Variants in AGTPBP1 observed in about 807,000 individuals in gnomAD.
The protein encoded by AGTPBP1 is ATP/GTP binding carboxypeptidase 1.
In AGTPBP1, 70 loss-of-function variants were observed where a neutral mutation model predicts 143.9. The ratio of observed to expected loss-of-function variants is 0.49; its 90% CI spans 0.40 to 0.59. The LOEUF (loss-of-function observed/expected upper bound fraction) is 0.59. Ranked by LOEUF, AGTPBP1 falls within the 20% of genes least tolerant of loss-of-function variation. The probability of loss-of-function intolerance (pLI) is 0.00; values close to 1 mark genes in which losing one functional copy is unlikely to be tolerated. For synonymous variants in AGTPBP1, 463 were observed against 500.2 expected, an observed-to-expected ratio of 0.93 and a Z score of 0.99; for missense variants, 1,229 against 1,464.5, an observed-to-expected ratio of 0.84 and a Z score of 2.62.
chr9:85,562,681 C>A (rs1024731357), intron 25 of AGTPBP1, among the ~76,000 whole-genome samples: 1 of 152,196 alleles, frequency 6.6e-6, no homozygotes, highest in Non-Finnish European at 1.5e-5. Flanking sequence ...ATAATTATCA[C>A]AAATTCACTT....
At chr9:85,801,425 C>T in the AGTPBP1 span, among the ~76,000 whole-genome samples, 1 of 152,128 alleles carries the variant, frequency 6.6e-6, no homozygotes, top group Admixed American at 6.5e-5. Context: ...TCATGTAAAA[C>T]AGGGTATCTA....
chr9:85,722,208 T>A (rs1838173956), intron 1 of AGTPBP1, among the ~76,000 whole-genome samples: 1 of 152,222 alleles, frequency 6.6e-6, no homozygotes, highest in African/African-American at 2.4e-5. Flanking sequence ...TGAATTTGAA[T>A]GTTGGTCTGC....
At chr9:85,697,441 T>TTTTG in intron 2 of AGTPBP1, among the ~76,000 whole-genome samples, 1 of 142,092 alleles carries the variant, frequency 7.0e-6, no homozygotes, top group South Asian at 2.3e-4. Context: ...TTAATTTGTT[T>TTTTG]TTTGTTTTTT....
At chr9:85,706,924 A>G (rs1837049903) in intron 2 of AGTPBP1, among the ~76,000 whole-genome samples, 1 of 152,040 alleles carries the variant, frequency 6.6e-6, no homozygotes, top group African/African-American at 2.4e-5. Context: ...AAAGACAGAG[A>G]AGGGTAGACT....
intron 1 of AGTPBP1, chr9:85,741,389 T>C (rs1824258673): frequency 1.0e-6 from 1 of 984,988 alleles, no homozygotes; most frequent in Non-Finnish European, 1.2e-6. Flanking sequence ...CCCCCGGCCC[T>C]GCAGCCCCTC....
intron 19 of AGTPBP1, among the ~76,000 whole-genome samples, chr9:85,592,104 T>C (rs1031039607): frequency 4.6e-5 from 7 of 152,210 alleles, no homozygotes; most frequent in African/African-American, 7.2e-5. Context: ...AACACTCAAA[T>C]TGCATCCACA....
intron 14 of AGTPBP1, among the ~76,000 whole-genome samples, chr9:85,625,840 G>A (rs973767875): frequency 3.3e-5 from 5 of 149,660 alleles, no homozygotes; most frequent in Non-Finnish European, 7.4e-5. Context: ...AGCCAAGATC[G>A]TGCCACTGCA....
At chr9:85,740,166 T>C (rs1824152902) in intron 1 of AGTPBP1, among the ~76,000 whole-genome samples, 1 of 152,242 alleles carries the variant, frequency 6.6e-6, no homozygotes, top group Admixed American at 6.5e-5. Flanking sequence ...AAATTGCTTC[T>C]ACAAAAGTTT....
the AGTPBP1 span, among the ~76,000 whole-genome samples, chr9:85,771,652 CT>C: frequency 0.065 from 8,792 of 136,104 alleles, 770 homozygotes; most frequent in African/African-American, 0.21. Context: ...ACATAGATAA[CT>C]TTTTTTTTTT....
chr9:85,744,417 C>T (rs549244929), upstream of AGTPBP1, among the ~76,000 whole-genome samples: 14 of 152,314 alleles, frequency 9.2e-5, no homozygotes, highest in African/African-American at 2.9e-4. Flanking sequence ...AATAAATTAT[C>T]TTCACATGGC....
intron 1 of AGTPBP1, among the ~76,000 whole-genome samples, chr9:85,730,839 C>A (rs552283534): frequency 2.0e-5 from 3 of 152,188 alleles, no homozygotes; most frequent in African/African-American, 7.2e-5. Context: ...TACTCCAATC[C>A]CCTGTTACAG....
chr9:85,741,231 G>C, intron 1 of AGTPBP1: 1 of 985,470 alleles, frequency 1.0e-6, no homozygotes, highest in South Asian at 4.7e-5. Context: ...CCCAGCGAGA[G>C]GAAGCAAACG....
At chr9:85,679,486 C>A (rs761547746) in intron 4 of AGTPBP1, among the ~76,000 whole-genome samples, 10 of 152,110 alleles carry the variant, frequency 6.6e-5, no homozygotes, top group Non-Finnish European at 1.5e-4. Context: ...CGGCTCACTG[C>A]AAGCTCCGCC....
chr9:85,764,390 C>T, the AGTPBP1 span, among the ~76,000 whole-genome samples: 4 of 151,896 alleles, frequency 2.6e-5, no homozygotes, highest in African/African-American at 9.7e-5. Context: ...ATTAGCTGCA[C>T]ATGGTGATGA....
At chr9:85,754,118 A>G in the AGTPBP1 span, among the ~76,000 whole-genome samples, 1 of 152,180 alleles carries the variant, frequency 6.6e-6, no homozygotes, top group Non-Finnish European at 1.5e-5. Context: ...AAAGGAGTTG[A>G]TTTGAATGTT....
rs529012765 is a variant in AGTPBP1 at position 85,630,045 on chromosome 9, G to A, written c.2015+2617C>T. ...ATTTAATAACAAAACTTGCTTTCAG[G>A]GCTTAAAGAGCACTTAAAATTCAGG... On this transcript the variant is annotated intron_variant, in intron 14 of 25. Coordinates refer to ENST00000357081, the MANE Select transcript of AGTPBP1 (RefSeq NM_001330701.2). Among the ~76,000 whole-genome samples the A allele has an allele frequency of 2.6e-5, 4 of 152,238 alleles. No individual in the cohort carries two copies. The East Asian group carries it at 7.7e-4, about 29-fold the overall frequency.
At chr9:85,785,211 G>A in the AGTPBP1 span, among the ~76,000 whole-genome samples, 1 of 152,130 alleles carries the variant, frequency 6.6e-6, no homozygotes, top group African/African-American at 2.4e-5. Flanking sequence ...GCGGGCGCCT[G>A]TAGTCCCAGC....
At chr9:85,798,905 C>T in the AGTPBP1 span, among the ~76,000 whole-genome samples, 9,836 of 151,988 alleles carry the variant, frequency 0.065, 1,040 homozygotes, top group African/African-American at 0.22. Flanking sequence ...AATGTGCAGT[C>T]TGATACATAG....
chr9:85,590,550 G>C (rs535208797), intron 19 of AGTPBP1, among the ~76,000 whole-genome samples: 1 of 152,078 alleles, frequency 6.6e-6, no homozygotes, highest in Non-Finnish European at 1.5e-5. Context: ...ACTATTGACT[G>C]AGTGGTCACT....
Sources: gnomAD v4.1 joint callset for allele counts (sites outside exome capture counted in the v4.1 genomes callset) on GRCh38, gnomAD v4.1.1 for gene constraint, MANE v1.5 for transcripts, NCBI Gene and HGNC (gene_info 2026-07-23, HGNC 2026-07-21) for gene names.